The following SLC25A18 variants were observed in gnomAD, a reference collection of about 807,000 sequenced individuals.
SLC25A18 encodes solute carrier family 25 member 18.
Under a neutral mutation model 31.1 loss-of-function variants are expected in SLC25A18, and 24 were observed. That is an observed-to-expected ratio of 0.77 (90% CI 0.56 to 1.08). The LOEUF (loss-of-function observed/expected upper bound fraction) is 1.08, where lower values mean the gene tolerates loss of function less well. SLC25A18 is among the 50% of genes least tolerant of loss of function. The pLI is 0.00. For missense variants in SLC25A18, 371 were observed against 418.5 expected (o/e 0.89, Z 0.99); for synonymous variants, 173 against 161.9 (o/e 1.07, Z -0.52).
chr22:17,580,932 T>TG, intron 3 of SLC25A18, 105 bp from the exon 4 acceptor site: 1 of 1,456,732 alleles, frequency 6.9e-7, no homozygotes, highest in South Asian at 1.4e-5. Context: ...CCTGTGGGGC[T>TG]GGGGTTCCCC....
chr22:17,590,008 A>G lies in SLC25A18; in HGVS notation c.807-87A>G. On this transcript the variant is annotated intron_variant, in intron 10 of 10. Coordinates refer to ENST00000327451, the MANE Select transcript of SLC25A18 (RefSeq NM_031481.3). ...TTGTGGAAGGCACTATTCTAAAATG[A>G]GAGGTGCACAAATGGAGAGGCTGCC... 1.3e-6 allele frequency: 2 copies of G among 1,548,372 alleles called. 1 individual carries two copies. Among genetic ancestry groups the G allele is most frequent in the East Asian group, 4.5e-5 (2 of 44,496 alleles).
At chr22:17,587,731 G>T (rs924819832) in intron 8 of SLC25A18, 194 bp from the exon 9 acceptor site, 7 of 648,814 alleles carry the variant, frequency 1.1e-5, no homozygotes, top group Non-Finnish European at 1.6e-5. Context: ...GAGCTGGGAC[G>T]GCGGAACAGA....
intron 1 of SLC25A18, among the ~76,000 whole-genome samples, chr22:17,565,166 GC>G (rs1012683927): frequency 1.3e-5 from 2 of 151,644 alleles, no homozygotes; most frequent in Non-Finnish European, 2.9e-5. Context: ...TGTAAACTCC[GC>G]CCCCCCGGGT....
intron 2 of SLC25A18, among the ~76,000 whole-genome samples, chr22:17,573,502 C>G (rs1238589178): frequency 1.3e-5 from 2 of 152,144 alleles, no homozygotes; most frequent in Admixed American, 6.6e-5. Flanking sequence ...GGAAATGGGG[C>G]ACCTGGGGGC....
intron 7 of SLC25A18, among the ~76,000 whole-genome samples, chr22:17,584,473 A>AGAGAGAG (rs1569190772): frequency 1.7e-5 from 2 of 115,092 alleles, no homozygotes; most frequent in African/African-American, 8.2e-5. Flanking sequence ...GAGAGAGAGA[A>AGAGAGAG]AGAAAGAAAG....
chr22:17,578,089 A>T (rs1246592620), intron 2 of SLC25A18, among the ~76,000 whole-genome samples: 2 of 149,868 alleles, frequency 1.3e-5, no homozygotes, highest in African/African-American at 4.9e-5. Flanking sequence ...GCCTCAAATA[A>T]TCCTCCCATC....
At chr22:17,584,854 T>C (rs1569191170) in intron 7 of SLC25A18, among the ~76,000 whole-genome samples, 1 of 151,268 alleles carries the variant, frequency 6.6e-6, no homozygotes, top group Non-Finnish European at 1.5e-5. Context: ...CAGTATTTTA[T>C]GCTATAGAAG....
intron 2 of SLC25A18, among the ~76,000 whole-genome samples, chr22:17,571,882 G>A (rs1303129064): frequency 1.3e-5 from 2 of 152,052 alleles, no homozygotes; most frequent in Non-Finnish European, 2.9e-5. Context: ...GCCGGGCATG[G>A]TGGCTCGTGC....
intron 2 of SLC25A18, among the ~76,000 whole-genome samples, chr22:17,575,529 G>A (rs2057210075): frequency 6.6e-6 from 1 of 152,086 alleles, no homozygotes; most frequent in Non-Finnish European, 1.5e-5. Context: ...ATCTGTTACA[G>A]GTAAAATGCC....
At chr22:17,568,807 T>C (rs2057011079) in intron 1 of SLC25A18, among the ~76,000 whole-genome samples, 1 of 151,636 alleles carries the variant, frequency 6.6e-6, no homozygotes, top group African/African-American at 2.4e-5. Context: ...GTGATCCACC[T>C]GCTTCGGCCT....
chr22:17,584,534 C>T (rs921162257), intron 7 of SLC25A18, among the ~76,000 whole-genome samples: 8 of 151,636 alleles, frequency 5.3e-5, no homozygotes, highest in African/African-American at 1.2e-4. Context: ...AATCCCAGCA[C>T]TTTGGGAGGC....
intron 2 of SLC25A18, among the ~76,000 whole-genome samples, chr22:17,573,127 C>G (rs1323444264): frequency 1.3e-5 from 2 of 152,128 alleles, no homozygotes; most frequent in Non-Finnish European, 2.9e-5. Flanking sequence ...TCTGTACCTT[C>G]TGGATTTTCT....
At chr22:17,568,376 A>T (rs1447076769) in intron 1 of SLC25A18, among the ~76,000 whole-genome samples, 1 of 150,938 alleles carries the variant, frequency 6.6e-6, no homozygotes, top group African/African-American at 2.4e-5. Context: ...CAAAAAAAAA[A>T]AAAAAGGCAG....
At position 17,590,002 on chromosome 22, in the gene SLC25A18, A is replaced by C. The variant is rs7289980; in HGVS notation, c.807-93A>C. 0.019 allele frequency: 29,434 copies of C among 1,535,218 alleles called. 4,797 individuals are homozygous for C. In the African/African-American group the frequency reaches 0.36, roughly 19 times the overall value. ...CTCTTGTTGTGGAAGGCACTATTCT[A>C]AAATGAGAGGTGCACAAATGGAGAG... On this transcript the variant is annotated intron_variant, in intron 10 of 10. Coordinates refer to ENST00000327451, the MANE Select transcript of SLC25A18 (RefSeq NM_031481.3).
intron 1 of SLC25A18, among the ~76,000 whole-genome samples, chr22:17,565,904 G>A (rs901691191): frequency 6.6e-6 from 1 of 151,988 alleles, no homozygotes; most frequent in Non-Finnish European, 1.5e-5. Flanking sequence ...TGTTTCCCAG[G>A]CTGGTCTCAA....
chr22:17,575,159 ATTCT>A (rs1267644349), intron 2 of SLC25A18, among the ~76,000 whole-genome samples: 5 of 152,002 alleles, frequency 3.3e-5, no homozygotes, highest in Non-Finnish European at 5.9e-5. Context: ...GTGCTCTCTT[ATTCT>A]TTAAGTCCCA....
chr22:17,563,929 G>A (rs1415984730), intron 1 of SLC25A18, among the ~76,000 whole-genome samples: 2 of 152,176 alleles, frequency 1.3e-5, no homozygotes, highest in Non-Finnish European at 2.9e-5. Context: ...GTTCCTCCCT[G>A]CCATGCAATC....
intron 10 of SLC25A18, 127 bp downstream of exon 10, chr22:17,589,792 T>A: frequency 1.1e-6 from 1 of 892,258 alleles, no homozygotes; most frequent in Non-Finnish European, 1.8e-6. Flanking sequence ...TGTCTTTCCC[T>A]CACCTCTCAA....
chr22:17,571,671 T>G (rs1331778157), intron 2 of SLC25A18, among the ~76,000 whole-genome samples: 1 of 151,212 alleles, frequency 6.6e-6, no homozygotes, highest in Non-Finnish European at 1.5e-5. Context: ...GGCAGAACTG[T>G]TTGAACCCAG....
Sources: allele counts gnomAD v4.1 joint callset (sites outside exome capture counted in the v4.1 genomes callset), GRCh38; gene constraint gnomAD v4.1.1; transcripts MANE v1.5; gene names NCBI Gene and HGNC (gene_info 2026-07-23, HGNC 2026-07-21).